LIMCH1: variants seen among roughly 807,000 people sequenced by gnomAD.
The protein encoded by LIMCH1 is LIM and calponin homology domains 1.
A neutral mutation model predicts 176.5 loss-of-function variants in LIMCH1; 113 were observed. The ratio of observed to expected loss-of-function variants is 0.64; its 90% CI spans 0.55 to 0.75. LIMCH1 has a LOEUF of 0.75. Among genes scored for constraint, LIMCH1 ranks in the 30% least tolerant of loss-of-function variants. LIMCH1 has a pLI of 0.00. For missense variants in LIMCH1, 1,674 were observed against 1,814.9 expected, an observed-to-expected ratio of 0.92 and a Z score of 1.41; for synonymous variants, 619 against 645.9, an observed-to-expected ratio of 0.96 and a Z score of 0.63.
intron 3 of LIMCH1, among the ~76,000 whole-genome samples, chr4:41,531,361 A>G (rs554566727): frequency 3.9e-4 from 59 of 152,088 alleles, no homozygotes; most frequent in African/African-American, 1.3e-3. Flanking sequence ...ATAGGAAAGC[A>G]TTAGAATTCT....
chr4:41,631,616 G>A lies in LIMCH1; in HGVS notation c.1601+139G>A, dbSNP rs530374125. On this transcript the variant is annotated intron_variant, in intron 10 of 31. Transcript: ENST00000503057. ...TATGTATAGCAGAGAAGTAATGTTA[G>A]CGGGTCCCCCTGCGGGGAACATGTA... 1.2e-3 allele frequency: 855 copies of A among 694,988 alleles called. 2 individuals carry two copies. Among genetic ancestry groups the A allele is most frequent in the South Asian group, 1.7e-3 (62 of 37,236 alleles). The allele number at this position is 694,988 out of a possible 1,614,324, so 43.1% of individuals were successfully genotyped here. A position where few individuals can be genotyped will look rare whatever the true frequency, so the allele number is the denominator to read the frequency against.
intron 16 of LIMCH1, 61 bp from the exon 17 acceptor site, chr4:41,646,424 C>A: frequency 6.4e-7 from 1 of 1,562,360 alleles, no homozygotes; most frequent in Non-Finnish European, 8.7e-7. Flanking sequence ...TCGTTTCTAC[C>A]AAGGTCTTCT....
Position 41,671,571 on chromosome 4 carries a change from G to A in LIMCH1, c.3415G>A (p.Glu1139Lys). 1 of 1,605,396 alleles carries A rather than the reference G, an allele frequency of 6.2e-7. No homozygotes were observed. The highest frequency in any genetic ancestry group is 8.5e-7 in the Non-Finnish European group (1 of 1,172,484). Residue 1139 changes from glutamate (E) to lysine (K), a missense_variant, in exon 22 of 32, where the codon GAG becomes AAG. This residue lies in a region of LIMCH1 where 1,015 missense variants were observed against 1,102.5 expected (regional missense o/e 0.92). Coordinates refer to ENST00000503057, the MANE Select transcript of LIMCH1 (RefSeq NM_001330672.2). Reference sequence around the variant, plus strand: ...CTGTGCAGTGGATTCTCCAAGCAGTGAGAAGTCACCTGTTATGACACCTGT... The same window carrying A: ...CTGTGCAGTGGATTCTCCAAGCAGTAAGAAGTCACCTGTTATGACACCTGT... ...LNSQVDSPSS[E>K]KSPVMTPFKF...
In LIMCH1 at chr4:41,662,813, C is replaced by CA. The variant is rs771632534; in HGVS notation, c.3128-7dup. 6 of 1,613,810 alleles carry CA rather than the reference C, an allele frequency of 3.7e-6. No homozygotes were observed. In the South Asian group the frequency reaches 4.4e-5, roughly 12 times the overall value. ...TTCTGTACGTTTCTGGATGTAACTC[C>CA]ATTGCAGAACCACAGCATTTTACAA... On this transcript the variant is annotated splice_region_variant and splice_polypyrimidine_tract_variant and intron_variant, in intron 19 of 31. Coordinates refer to ENST00000503057, the MANE Select transcript of LIMCH1 (RefSeq NM_001330672.2).
At position 41,631,326 on chromosome 4, in the gene LIMCH1, C is replaced by A; in HGVS notation, c.1450C>A (p.Arg484=). ...GGAGCTAGATCAGCAGAAATGGAAG[C>A]GGCTTAGCATTGGCAAGGCTGGGCC... ...VTELDQQKWK[R]LSIGKAGPRE... The change falls in exon 10 of 32, where the codon CGG becomes AGG. Residue 484 remains arginine (R), a synonymous_variant. Coordinates refer to ENST00000503057, the MANE Select transcript of LIMCH1 (RefSeq NM_001330672.2). The A allele has an allele frequency of 1.3e-6, 2 of 1,536,112 alleles. No individual in the cohort carries two copies. Among genetic ancestry groups the A allele is most frequent in the Non-Finnish European group, 1.7e-6 (2 of 1,146,888 alleles).
chr4:41,635,295 C>T (rs1201324488), intron 13 of LIMCH1, among the ~76,000 whole-genome samples: 2 of 151,806 alleles, frequency 1.3e-5, no homozygotes, highest in African/African-American at 2.4e-5. Flanking sequence ...GTGCAGGGCC[C>T]GATCTCAGCT....
chr4:41,648,658 G>GGGGTGT (rs1554153123), intron 17 of LIMCH1, among the ~76,000 whole-genome samples: 60 of 135,400 alleles, frequency 4.4e-4, no homozygotes, highest in South Asian at 1.3e-3. Flanking sequence ...AAGGGGTAGG[G>GGGGTGT]GTGTGTGTGT....
intron 1 of LIMCH1, among the ~76,000 whole-genome samples, chr4:41,464,050 T>C (rs1332716325): frequency 6.6e-6 from 1 of 151,922 alleles, no homozygotes. Flanking sequence ...CAAATCTTAT[T>C]TTGTCACCCC....
Position 41,666,544 on chromosome 4 carries a change from T to A in LIMCH1, c.3292-17T>A. The A allele has an allele frequency of 6.5e-7, 1 of 1,540,632 alleles. No individual in the cohort carries two copies. Among genetic ancestry groups the A allele is most frequent in the Non-Finnish European group, 9.0e-7 (1 of 1,113,158 alleles). On this transcript the variant is annotated splice_polypyrimidine_tract_variant and intron_variant, in intron 20 of 31. Coordinates refer to ENST00000503057, the MANE Select transcript of LIMCH1 (RefSeq NM_001330672.2). ...GGACAGTTCTTGCAATATTTATACC[T>A]GTTTTCCATTGTCCAGGTGGTAAAG...
At chr4:41,472,756 G>C (rs1482227128) in intron 1 of LIMCH1, among the ~76,000 whole-genome samples, 1 of 152,098 alleles carries the variant, frequency 6.6e-6, no homozygotes, top group Non-Finnish European at 1.5e-5. Flanking sequence ...GGTAGTCTTG[G>C]TTAGACAGAT....
At chr4:41,581,895 G>A (rs2085550540) in intron 1 of LIMCH1, among the ~76,000 whole-genome samples, 1 of 150,738 alleles carries the variant, frequency 6.6e-6, no homozygotes, top group Non-Finnish European at 1.5e-5. Context: ...TATTTCACTT[G>A]GCATAATGTC....
At chr4:41,473,064 C>T in intron 1 of LIMCH1, 3 of 984,316 alleles carry the variant, frequency 3.0e-6, no homozygotes, top group Non-Finnish European at 3.6e-6. Context: ...CCATTCAAGA[C>T]AAGAGGTGAA....
chr4:41,549,205 T>C lies in LIMCH1; in HGVS notation c.-241+10855T>C, dbSNP rs148718658. ...CTGTGCTGGGCCTGTTAATATTAAC[T>C]ACCATTTATTTAGTACCTACAATAT... On this transcript the variant is annotated intron_variant, in intron 1 of 31. Coordinates refer to ENST00000503057, the MANE Select transcript of LIMCH1 (RefSeq NM_001330672.2). Among the ~76,000 whole-genome samples the C allele has an allele frequency of 5.0e-3, 765 of 152,314 alleles. 4 individuals are homozygous for C. The highest frequency in any genetic ancestry group is 0.018 in the African/African-American group (740 of 41,556).
At chr4:41,506,034 T>C (rs571499963) in intron 2 of LIMCH1, among the ~76,000 whole-genome samples, 3 of 152,142 alleles carry the variant, frequency 2.0e-5, no homozygotes, top group South Asian at 4.2e-4. Flanking sequence ...ATTTGCTTTC[T>C]TCAAGTGTAA....
At chr4:41,454,265 T>A (rs2064255964) in intron 1 of LIMCH1, among the ~76,000 whole-genome samples, 1 of 152,226 alleles carries the variant, frequency 6.6e-6, no homozygotes. Flanking sequence ...AATAAGGGAA[T>A]GCGTAAATTA....
chr4:41,669,559 G>A, intron 21 of LIMCH1, among the ~76,000 whole-genome samples: 1 of 152,132 alleles, frequency 6.6e-6, no homozygotes, highest in Admixed American at 6.5e-5. Context: ...CAGGTTCCCA[G>A]GTGATGCTCA....
intron 28 of LIMCH1, 109 bp downstream of exon 28, chr4:41,685,939 G>T (rs1720398509): frequency 6.7e-6 from 8 of 1,189,258 alleles, no homozygotes; most frequent in East Asian, 2.6e-5. Context: ...CAGCATTTTT[G>T]TGCTTTCTCT....
At chr4:41,618,179 T>C (rs951589855) in intron 5 of LIMCH1, among the ~76,000 whole-genome samples, 6 of 152,212 alleles carry the variant, frequency 3.9e-5, no homozygotes, top group African/African-American at 1.4e-4. Flanking sequence ...AGTTGAATAA[T>C]CTTGTAATGC....
intron 18 of LIMCH1, among the ~76,000 whole-genome samples, chr4:41,655,693 C>A (rs2094444282): frequency 6.6e-6 from 1 of 151,476 alleles, no homozygotes; most frequent in African/African-American, 2.4e-5. Flanking sequence ...TCGTCTTTCC[C>A]CCCACCTTTT....
Sources: allele counts gnomAD v4.1 joint callset (sites outside exome capture counted in the v4.1 genomes callset), GRCh38; gene constraint gnomAD v4.1.1; regional missense constraint gnomAD v4.1.1; transcripts MANE v1.5; gene names NCBI Gene and HGNC (gene_info 2026-07-23, HGNC 2026-07-21).